The following PID1 variants were observed in gnomAD, a reference collection of about 807,000 sequenced individuals.
The protein encoded by PID1 is PTB-containing, cubilin and LRP1-interacting protein.
In PID1, 10 loss-of-function variants were observed where a neutral mutation model predicts 19.1. The observed-to-expected ratio is 0.52, with a 90% CI of 0.32 to 0.89. PID1 has a LOEUF of 0.89. Among genes scored for constraint, PID1 ranks in the 40% least tolerant of loss-of-function variants. The pLI, the probability that PID1 is intolerant of heterozygous loss-of-function variation, is 0.03. For missense variants in PID1, 248 were observed against 285.3 expected (o/e 0.87, Z 0.94); for synonymous variants, 130 against 116.0 (o/e 1.12, Z -0.78).
rs376707934 is a variant in PID1, at chr2:229,142,348, T to A, written c.177+13470A>T. Among the ~76,000 whole-genome samples, 9 of 152,112 alleles carry A rather than the reference T, an allele frequency of 5.9e-5. No individual in the cohort carries two copies. In the East Asian group the frequency reaches 1.7e-3, roughly 29 times the overall value. On this transcript the variant is annotated intron_variant, in intron 2 of 2. Transcript: ENST00000392055. ...GAGGATTTAACAATCCAGAGAGGATTTCTGGGAAAAGATGGCAAATTGTCC... is the reference window on the plus strand; with the variant it reads ...GAGGATTTAACAATCCAGAGAGGATATCTGGGAAAAGATGGCAAATTGTCC...
In PID1 at chr2:229,271,079, C is replaced by T. The variant is rs374306470; in HGVS notation, c.-36G>A. On this transcript the variant is annotated 5_prime_UTR_variant, in exon 1 of 3. Coordinates refer to ENST00000392055, the MANE Select transcript of PID1 (RefSeq NM_001100818.2). ...TGGGTTTTGGCAGAGGAGACGCTGG[C>T]GAGACTGTCGATCGCGCCGGGGGGC... is the stretch of plus-strand genomic sequence containing the variant. 1.4e-4 allele frequency: 223 copies of T among 1,538,018 alleles called. 2 individuals carry two copies. In the East Asian group the frequency reaches 4.4e-3, roughly 30 times the overall value.
At chr2:229,026,831 T>A (rs1574564576) in intron 2 of PID1, among the ~76,000 whole-genome samples, 1 of 152,310 alleles carries the variant, frequency 6.6e-6, no homozygotes, top group Admixed American at 6.5e-5. Context: ...GTAGGCAGTA[T>A]GAAAACTAAG....
At chr2:229,091,793 G>A (rs2106219766) in intron 2 of PID1, among the ~76,000 whole-genome samples, 1 of 152,278 alleles carries the variant, frequency 6.6e-6, no homozygotes, top group Middle Eastern at 3.4e-3. Flanking sequence ...GACAATTTCA[G>A]CATCAGCCCT....
intron 1 of PID1, among the ~76,000 whole-genome samples, chr2:229,259,852 A>T (rs1366223990): frequency 1.3e-5 from 2 of 152,110 alleles, no homozygotes; most frequent in Non-Finnish European, 1.5e-5. Flanking sequence ...GGCCTAAGAG[A>T]GCTCATCCAG....
rs76139181 is a variant in PID1 at position 229,130,955 on chromosome 2, T to C, written c.177+24863A>G. On this transcript the variant is annotated intron_variant, in intron 2 of 2. Coordinates refer to ENST00000392055, the MANE Select transcript of PID1 (RefSeq NM_001100818.2). ...CTGTGTAACTCCAATCTTCACATGA[T>C]GGCATTCTCCCTGGGTGCACGCCTG... is the stretch of plus-strand genomic sequence containing the variant. Among the ~76,000 whole-genome samples the C allele has an allele frequency of 5.8e-3, 889 of 152,312 alleles. 12 individuals carry two copies. The highest frequency in any genetic ancestry group is 0.021 in the African/African-American group (861 of 41,562).
intron 1 of PID1, among the ~76,000 whole-genome samples, chr2:229,176,658 C>T (rs145727153): frequency 5.9e-5 from 9 of 152,250 alleles, no homozygotes; most frequent in East Asian, 3.9e-4. Flanking sequence ...AAAAAGAAGA[C>T]GGCATTGTAT....
chr2:229,150,676 T>C lies in PID1; in HGVS notation c.177+5142A>G, dbSNP rs147995916. Among the ~76,000 whole-genome samples the C allele has an allele frequency of 3.9e-4, 60 of 152,354 alleles. 1 individual carries two copies. The highest frequency in any genetic ancestry group is 1.3e-3 in the African/African-American group (56 of 41,586). ...ATGTTATGTGCTAAATCCCCAGTTATGTGTCAGTTTGTTTGTTACAATATT... is the reference window on the plus strand; with the variant it reads ...ATGTTATGTGCTAAATCCCCAGTTACGTGTCAGTTTGTTTGTTACAATATT... On this transcript the variant is annotated intron_variant, in intron 2 of 2. Transcript: ENST00000392055.
At chr2:229,241,522 A>T (rs1036006829) in intron 1 of PID1, among the ~76,000 whole-genome samples, 4 of 152,180 alleles carry the variant, frequency 2.6e-5, no homozygotes, top group Non-Finnish European at 5.9e-5. Context: ...CAAATAAAAC[A>T]GAATGAAAAA....
At chr2:229,180,834 G>A (rs896744110) in intron 1 of PID1, among the ~76,000 whole-genome samples, 1 of 152,228 alleles carries the variant, frequency 6.6e-6, no homozygotes, top group African/African-American at 2.4e-5. Context: ...TCCGCTGAGG[G>A]CAAGGGAGGC....
At chr2:229,208,260 T>C (rs1691651394) in intron 1 of PID1, among the ~76,000 whole-genome samples, 1 of 152,182 alleles carries the variant, frequency 6.6e-6, no homozygotes, top group Non-Finnish European at 1.5e-5. Context: ...GCATAGCTAG[T>C]GCAGTAACTT....
intron 1 of PID1, among the ~76,000 whole-genome samples, chr2:229,193,804 C>A (rs1691315225): frequency 6.7e-6 from 1 of 150,202 alleles, no homozygotes; most frequent in African/African-American, 2.4e-5. Flanking sequence ...AAAGACCTTT[C>A]AAAGTAATTT....
intron 1 of PID1, among the ~76,000 whole-genome samples, chr2:229,253,078 C>A (rs960474096): frequency 2.0e-5 from 3 of 152,178 alleles, no homozygotes; most frequent in African/African-American, 7.2e-5. Context: ...ATTTAACTTT[C>A]TGGGCTAAAG....
At chr2:229,214,334 C>A (rs142545272) in intron 1 of PID1, among the ~76,000 whole-genome samples, 171 of 152,236 alleles carry the variant, frequency 1.1e-3, no homozygotes, top group African/African-American at 3.7e-3. Flanking sequence ...AGCAGAGGAT[C>A]CCCCATCCGG....
chr2:229,051,635 G>A (rs1285324837), intron 2 of PID1, among the ~76,000 whole-genome samples: 3 of 152,138 alleles, frequency 2.0e-5, no homozygotes, highest in Non-Finnish European at 2.9e-5. Flanking sequence ...ACCACACCAT[G>A]GACTTTTTAA....
chr2:229,109,906 C>T (rs1280625903), intron 2 of PID1, among the ~76,000 whole-genome samples: 1 of 152,074 alleles, frequency 6.6e-6, no homozygotes. Flanking sequence ...CTTTAAATAC[C>T]AAAGCTGTTT....
intron 2 of PID1, among the ~76,000 whole-genome samples, chr2:229,117,475 G>T (rs1695432638): frequency 6.6e-6 from 1 of 152,118 alleles, no homozygotes; most frequent in Admixed American, 6.6e-5. Flanking sequence ...CTCCTACTGG[G>T]TCTCTCATAC....
intron 1 of PID1, among the ~76,000 whole-genome samples, chr2:229,216,644 C>T (rs1184765490): frequency 6.6e-6 from 1 of 152,006 alleles, no homozygotes; most frequent in Non-Finnish European, 1.5e-5. Context: ...ATAAAAAAAA[C>T]TATACAGGTT....
At chr2:229,253,962 T>G (rs1189711337) in intron 1 of PID1, among the ~76,000 whole-genome samples, 4 of 152,188 alleles carry the variant, frequency 2.6e-5, no homozygotes, top group African/African-American at 9.7e-5. Context: ...AGGAGAGGGA[T>G]AGAGCCACTA....
At chr2:229,259,508 C>A (rs1317096689) in intron 1 of PID1, among the ~76,000 whole-genome samples, 1 of 152,154 alleles carries the variant, frequency 6.6e-6, no homozygotes, top group Admixed American at 6.5e-5. Context: ...CACACAAAGG[C>A]ACAAAGATTT....
Sources: gnomAD v4.1 joint callset for allele counts (sites outside exome capture counted in the v4.1 genomes callset) on GRCh38, gnomAD v4.1.1 for gene constraint, MANE v1.5 for transcripts, NCBI Gene and HGNC (gene_info 2026-07-23, HGNC 2026-07-21) for gene names.